DLGAP2: variants seen among roughly 807,000 people sequenced by gnomAD.
DLGAP2 encodes DLG associated protein 2.
DLGAP2 carries 26 observed loss-of-function variants against 100.3 expected under a neutral mutation model. That is an observed-to-expected ratio of 0.26 (90% confidence interval 0.19 to 0.36). DLGAP2 has a LOEUF of 0.36. Ranked by LOEUF, DLGAP2 falls within the 10% of genes least tolerant of loss-of-function variation. DLGAP2 has a pLI of 1.00. For missense variants in DLGAP2, 1,858 were observed against 1,453.2 expected (o/e 1.28, Z -4.53); for synonymous variants, 886 against 630.1 (o/e 1.41, Z -6.08).
intron 2 of DLGAP2, among the ~76,000 whole-genome samples, chr8:1,233,409 G>C (rs76508398): frequency 5.9e-5 from 9 of 152,180 alleles, no homozygotes; most frequent in African/African-American, 2.2e-4. Context: ...GAGCAAGGGC[G>C]TGCCTGTCTT....
At chr8:1,570,464 C>T (rs189784297) in intron 6 of DLGAP2, among the ~76,000 whole-genome samples, 17 of 152,378 alleles carry the variant, frequency 1.1e-4, no homozygotes, top group Admixed American at 6.5e-4. Flanking sequence ...AACATGTTCT[C>T]CTAATCCAAT....
rs935718894 is a variant in DLGAP2 at position 989,654 on chromosome 8, C to T, written c.73+81688C>T. 2.6e-5 allele frequency among the ~76,000 whole-genome samples: 4 copies of T among 152,150 alleles called. No individual in the cohort carries two copies. In the South Asian group the frequency reaches 8.3e-4, roughly 32 times the overall value. Reference sequence around the variant, plus strand: ...AAGGCTGATATGTATGATTCTGCTCCATCTGGAACCTGAGAAAAGTGAATG... The same window carrying T: ...AAGGCTGATATGTATGATTCTGCTCTATCTGGAACCTGAGAAAAGTGAATG... On this transcript the variant is annotated intron_variant, in intron 2 of 14. Transcript: ENST00000637795.
At chr8:1,329,259 C>G (rs1014245624) in intron 3 of DLGAP2, among the ~76,000 whole-genome samples, 2 of 152,190 alleles carry the variant, frequency 1.3e-5, no homozygotes, top group Non-Finnish European at 2.9e-5. Flanking sequence ...GAAATTGTTT[C>G]ATGGAATGAA....
At position 1,570,577 on chromosome 8, in the gene DLGAP2, G is replaced by T. The variant is rs140441652; in HGVS notation, c.1442+4683G>T. Among the ~76,000 whole-genome samples, 314 of 152,366 alleles carry T rather than the reference G, an allele frequency of 2.1e-3. 1 individual carries two copies. The highest frequency in any genetic ancestry group is 7.1e-3 in the African/African-American group (295 of 41,582). On this transcript the variant is annotated intron_variant, in intron 6 of 14. Transcript: ENST00000637795. Reference sequence around the variant, plus strand: ...TTCACATGTTCACCACAGTGTAGGTGCAGACGCTGTAATGCCCAAGAGGCT... The same window carrying T: ...TTCACATGTTCACCACAGTGTAGGTTCAGACGCTGTAATGCCCAAGAGGCT...
chr8:1,303,452 T>C (rs1800413820), intron 3 of DLGAP2, among the ~76,000 whole-genome samples: 1 of 148,986 alleles, frequency 6.7e-6, no homozygotes, highest in Non-Finnish European at 1.5e-5. Context: ...AGTGTTTTCC[T>C]CCAAGATTTC....
chr8:1,427,704 C>T (rs967609887), intron 3 of DLGAP2, among the ~76,000 whole-genome samples: 2 of 152,156 alleles, frequency 1.3e-5, no homozygotes, highest in African/African-American at 4.8e-5. Context: ...TTTCCCTGTA[C>T]AAGCTCTCTT....
intron 2 of DLGAP2, among the ~76,000 whole-genome samples, chr8:1,174,401 A>G (rs1448897263): frequency 6.6e-6 from 1 of 151,938 alleles, no homozygotes. Context: ...CATCATTACC[A>G]TCACCAAAAT....
At chr8:1,652,380 G>A (rs963994977) in intron 8 of DLGAP2, among the ~76,000 whole-genome samples, 2 of 152,108 alleles carry the variant, frequency 1.3e-5, no homozygotes, top group African/African-American at 4.8e-5. Flanking sequence ...CTGAATTCCC[G>A]TGCCTAGAAC....
rs1476139429 is a variant in DLGAP2 at position 1,228,446 on chromosome 8, C to G, written c.74-30405C>G. 3.3e-5 allele frequency among the ~76,000 whole-genome samples: 5 copies of G among 152,234 alleles called. No homozygotes were observed. The East Asian group carries it at 9.7e-4, about 29-fold the overall frequency. On this transcript the variant is annotated intron_variant, in intron 2 of 14. Transcript: ENST00000637795. ...AAAATCAGAAGTTGGAGGGAGTCCC[C>G]AACTCATTCTGTGAAGCCGATATTT...
At chr8:1,321,109 C>G (rs543250126) in intron 3 of DLGAP2, among the ~76,000 whole-genome samples, 1 of 150,742 alleles carries the variant, frequency 6.6e-6, no homozygotes, top group Admixed American at 6.6e-5. Flanking sequence ...CCATGTGCCT[C>G]TGTGTGTGTG....
chr8:777,261 G>A (rs1304990544), intron 1 of DLGAP2, among the ~76,000 whole-genome samples: 2 of 150,552 alleles, frequency 1.3e-5, no homozygotes, highest in Non-Finnish European at 3.0e-5. Context: ...CGTGAGATGG[G>A]TTTCCTGAAT....
At chr8:1,659,993 T>C (rs2130823258) in intron 8 of DLGAP2, among the ~76,000 whole-genome samples, 1 of 152,200 alleles carries the variant, frequency 6.6e-6, no homozygotes, top group East Asian at 1.9e-4. Flanking sequence ...GTTTTTCCTT[T>C]CCATGTTTAG....
intron 3 of DLGAP2, among the ~76,000 whole-genome samples, chr8:1,351,757 A>C (rs200110552): frequency 4.4e-4 from 5 of 11,446 alleles, no homozygotes; most frequent in South Asian, 8.8e-3. Flanking sequence ...GGTCCTGACT[A>C]TGTGTGGAAA....
chr8:1,472,982 G>A (rs1473884839), intron 3 of DLGAP2, among the ~76,000 whole-genome samples: 1 of 152,060 alleles, frequency 6.6e-6, no homozygotes, highest in Non-Finnish European at 1.5e-5. Context: ...CCAGGCTGGA[G>A]TGCAGTGGCT....
chr8:1,297,483 G>A (rs937932669), intron 3 of DLGAP2, among the ~76,000 whole-genome samples: 2 of 147,868 alleles, frequency 1.4e-5, no homozygotes, highest in African/African-American at 4.9e-5. Context: ...GACACTACAC[G>A]AGACAGGGAG....
chr8:1,438,171 C>T (rs1200700533), intron 3 of DLGAP2, among the ~76,000 whole-genome samples: 1 of 152,044 alleles, frequency 6.6e-6, no homozygotes, highest in Non-Finnish European at 1.5e-5. Context: ...GGTGTGGTTA[C>T]GAGGGGCAAC....
At chr8:914,511 A>G (rs1798551153) in intron 2 of DLGAP2, among the ~76,000 whole-genome samples, 1 of 152,222 alleles carries the variant, frequency 6.6e-6, no homozygotes, top group South Asian at 2.1e-4. Flanking sequence ...GCTTGCTTCT[A>G]GCATGGATGC....
At chr8:1,278,323 T>C (rs192445349) in intron 3 of DLGAP2, among the ~76,000 whole-genome samples, 5 of 152,354 alleles carry the variant, frequency 3.3e-5, no homozygotes, top group Admixed American at 2.0e-4. Context: ...AGCATGGTCC[T>C]TGACTTGAAA....
chr8:1,194,265 G>A (rs1381370506), intron 2 of DLGAP2, among the ~76,000 whole-genome samples: 1 of 152,140 alleles, frequency 6.6e-6, no homozygotes, highest in Non-Finnish European at 1.5e-5. Context: ...CACAGGCTCT[G>A]CGATTTTGAG....
Sources: gnomAD v4.1 joint callset for allele counts (sites outside exome capture counted in the v4.1 genomes callset) on GRCh38, gnomAD v4.1.1 for gene constraint, MANE v1.5 for transcripts, NCBI Gene and HGNC (gene_info 2026-07-23, HGNC 2026-07-21) for gene names.